CMTM4: variants seen among roughly 807,000 people sequenced by gnomAD.
CMTM4 encodes CKLF-like MARVEL transmembrane domain-containing protein 4.
Under a neutral mutation model 19.0 loss-of-function variants are expected in CMTM4, and 8 were observed. The ratio of observed to expected loss-of-function variants is 0.42; its 90% CI spans 0.25 to 0.76. The LOEUF is 0.76. Among genes scored for constraint, CMTM4 ranks in the 30% least tolerant of loss-of-function variants. CMTM4 has a pLI of 0.27. For synonymous variants in CMTM4, 106 were observed against 121.1 expected (o/e 0.88, Z 0.82); for missense variants, 228 against 290.2 (o/e 0.79, Z 1.56).
intron 1 of CMTM4, among the ~76,000 whole-genome samples, chr16:66,656,901 T>C (rs2016407298): frequency 6.6e-6 from 1 of 152,092 alleles, no homozygotes; most frequent in Admixed American, 6.6e-5. Flanking sequence ...ATTCTTCAAC[T>C]GTCAATGACA....
intron 2 of CMTM4, among the ~76,000 whole-genome samples, chr16:66,625,126 A>G (rs1196174398): frequency 6.6e-6 from 1 of 152,170 alleles, no homozygotes; most frequent in Non-Finnish European, 1.5e-5. Context: ...AAAAACAGAG[A>G]TGCAGCAAAG....
At chr16:66,680,626 T>G (rs950505726) in intron 1 of CMTM4, among the ~76,000 whole-genome samples, 2 of 151,076 alleles carry the variant, frequency 1.3e-5, no homozygotes, top group Non-Finnish European at 2.9e-5. Flanking sequence ...TACAAAATAT[T>G]AGCCAGGCGT....
At chr16:66,637,996 C>T (rs181364558) in intron 1 of CMTM4, among the ~76,000 whole-genome samples, 2 of 152,336 alleles carry the variant, frequency 1.3e-5, no homozygotes, top group Non-Finnish European at 2.9e-5. Flanking sequence ...ATCCAAGGCA[C>T]GGGCTGTTCT....
chr16:66,658,262 A>G (rs1596939556), intron 1 of CMTM4, among the ~76,000 whole-genome samples: 1 of 76,810 alleles, frequency 1.3e-5, no homozygotes, highest in Non-Finnish European at 2.4e-5. Context: ...GGAGAGAAGG[A>G]GGGAGGCAGG....
intron 2 of CMTM4, among the ~76,000 whole-genome samples, chr16:66,633,462 G>A (rs544820061): frequency 4.4e-4 from 67 of 152,096 alleles, no homozygotes; most frequent in African/African-American, 1.5e-3. Context: ...AGCTGAGATC[G>A]GCCGTGAGGA....
intron 2 of CMTM4, among the ~76,000 whole-genome samples, chr16:66,633,118 A>ATATATATATATATATATATAAATAT (rs2015913157): frequency 1.3e-5 from 1 of 76,198 alleles, no homozygotes; most frequent in African/African-American, 3.7e-5. Context: ...TATATATATA[A>ATATATATATATATATATATAAATAT]ATATATATAT....
At chr16:66,630,511 G>GT (rs1438196843) in intron 2 of CMTM4, among the ~76,000 whole-genome samples, 5 of 151,826 alleles carry the variant, frequency 3.3e-5, no homozygotes, top group Non-Finnish European at 1.5e-5. Context: ...ACTGGTTTTC[G>GT]TATTTTTTGG....
intron 1 of CMTM4, among the ~76,000 whole-genome samples, chr16:66,667,550 C>A (rs2016620427): frequency 6.6e-6 from 1 of 152,010 alleles, no homozygotes; most frequent in African/African-American, 2.4e-5. Context: ...ATCAGCTTCC[C>A]TTACATTACC....
At chr16:66,658,926 CA>C (rs2144855339) in intron 1 of CMTM4, among the ~76,000 whole-genome samples, 1 of 152,258 alleles carries the variant, frequency 6.6e-6, no homozygotes, top group East Asian at 1.9e-4. Context: ...TCACTAAAAG[CA>C]AGACAATCAG....
chr16:66,659,230 C>T (rs2016457598), intron 1 of CMTM4, among the ~76,000 whole-genome samples: 6 of 152,100 alleles, frequency 3.9e-5, no homozygotes, highest in Admixed American at 3.9e-4. Context: ...CAAAAATTAG[C>T]TGGGCATGGT....
intron 1 of CMTM4, among the ~76,000 whole-genome samples, chr16:66,666,837 G>A (rs1054088612): frequency 1.3e-5 from 2 of 152,092 alleles, no homozygotes; most frequent in Non-Finnish European, 2.9e-5. Flanking sequence ...CAAATACCAC[G>A]TTTTCACTTA....
Position 66,619,919 on chromosome 16 carries a change from G to A in CMTM4, c.*2139C>T. The A allele has an allele frequency of 1.0e-6, 1 of 985,392 alleles. No individual in the cohort carries two copies. The highest frequency in any genetic ancestry group is 1.2e-6 in the Non-Finnish European group (1 of 829,942). The allele number at this position is 985,392 out of a possible 1,614,324, so 61.0% of individuals were successfully genotyped here. ...TGTCATCCTTTTTGGTCATTCATCTGCATTTAGTTTCAGTGACTTCAGAAC... is the reference window on the plus strand; with the variant it reads ...TGTCATCCTTTTTGGTCATTCATCTACATTTAGTTTCAGTGACTTCAGAAC... On this transcript the variant is annotated 3_prime_UTR_variant, in exon 4 of 4. Transcript: ENST00000394106.
At chr16:66,647,968 C>A (rs2016236797) in intron 1 of CMTM4, among the ~76,000 whole-genome samples, 1 of 152,206 alleles carries the variant, frequency 6.6e-6, no homozygotes, top group Non-Finnish European at 1.5e-5. Flanking sequence ...TCACTTGAAT[C>A]CAAAGCAACT....
intron 1 of CMTM4, among the ~76,000 whole-genome samples, chr16:66,636,899 A>G (rs1474584566): frequency 6.6e-6 from 1 of 152,150 alleles, no homozygotes; most frequent in Admixed American, 6.5e-5. Context: ...CATCTCTACA[A>G]TGTTTCTAGG....
the CMTM4 span, chr16:66,605,124 C>A: frequency 1.8e-6 from 1 of 551,366 alleles, no homozygotes; most frequent in Non-Finnish European, 2.9e-6. This position sits in a 1 kb window ranked among gnomAD's most constrained non-coding sequence, Gnocchi z 4.6. Flanking sequence ...TCGAGGTCCC[C>A]AAACTTTGGA....
chr16:66,695,353 G>C (rs1386729287), intron 1 of CMTM4, among the ~76,000 whole-genome samples: 1 of 152,152 alleles, frequency 6.6e-6, no homozygotes, highest in Non-Finnish European at 1.5e-5. Context: ...AAAAAAGAGA[G>C]AGAGAGAGAA....
At chr16:66,650,181 C>T (rs979478359) in intron 1 of CMTM4, among the ~76,000 whole-genome samples, 3 of 152,042 alleles carry the variant, frequency 2.0e-5, no homozygotes, top group African/African-American at 7.2e-5. Flanking sequence ...TGAGATGGTG[C>T]CTAACTTTCA....
intron 2 of CMTM4, among the ~76,000 whole-genome samples, chr16:66,631,016 G>A (rs532681449): frequency 1.1e-4 from 17 of 150,496 alleles, no homozygotes; most frequent in Admixed American, 4.0e-4. Context: ...GAGACCCTCC[G>A]CCCGGCGGCC....
chr16:66,632,962 G>A (rs2015904900), intron 2 of CMTM4, among the ~76,000 whole-genome samples: 1 of 151,598 alleles, frequency 6.6e-6, no homozygotes, highest in African/African-American at 2.4e-5. Flanking sequence ...GCACATGCCT[G>A]TAATCCCAGC....
Sources: allele counts gnomAD v4.1 joint callset (sites outside exome capture counted in the v4.1 genomes callset), GRCh38; gene constraint gnomAD v4.1.1; non-coding constraint Gnocchi (gnomAD v3.1); transcripts MANE v1.5; gene names NCBI Gene and HGNC (gene_info 2026-07-23, HGNC 2026-07-21).